The following BMP7 variants were observed in gnomAD, a reference collection of about 807,000 sequenced individuals.
The protein encoded by BMP7 is bone morphogenetic protein 7, also known as osteogenic protein 1.
BMP7 carries 12 observed loss-of-function variants against 41.2 expected under a neutral mutation model. That is an observed-to-expected ratio of 0.29 (90% confidence interval 0.19 to 0.47). BMP7 has a LOEUF of 0.47. Ranked by LOEUF, BMP7 falls within the 20% of genes least tolerant of loss-of-function variation. BMP7 has a pLI of 0.99. For synonymous variants in BMP7, 248 were observed against 250.0 expected (o/e 0.99, Z 0.07); for missense variants, 467 against 606.0 (o/e 0.77, Z 2.41).
chr20:57,173,371 C>G (rs1983853724), intron 5 of BMP7, 61 bp from the exon 6 acceptor site: 2 of 1,517,870 alleles, frequency 1.3e-6, no homozygotes, highest in East Asian at 2.3e-5. Context: ...GCATCCCAAC[C>G]CCCATGCTGG....
intron 3 of BMP7, among the ~76,000 whole-genome samples, chr20:57,189,901 T>C (rs901926536): frequency 6.6e-6 from 1 of 152,144 alleles, no homozygotes; most frequent in Non-Finnish European, 1.5e-5. Context: ...CTGTGTCTGA[T>C]GGTGGCAAGG....
At chr20:57,218,447 A>AGCTGGTGTTTGGTGGTC (rs1985088235) in intron 2 of BMP7, among the ~76,000 whole-genome samples, 1 of 128,838 alleles carries the variant, frequency 7.8e-6, no homozygotes, top group South Asian at 2.6e-4. Flanking sequence ...GTTTGGTGGT[A>AGCTGGTGTTTGGTGGTC]GCTGGTGTTT....
rs1203321998 is a variant in BMP7 at position 57,174,508 on chromosome 20, G to T, written c.1035+423C>A. ...CCCCTGAAACAGTTGACTGGTTCAG[G>T]AACAAGTGCCTGAACCAAGCTGGGC... On this transcript the variant is annotated intron_variant, in intron 5 of 6. Transcript: ENST00000395863. This position sits in a 1 kb window ranked among gnomAD's most constrained non-coding sequence, Gnocchi z 4.3. Among the ~76,000 whole-genome samples the T allele has an allele frequency of 1.3e-5, 2 of 152,152 alleles. No homozygotes were observed. Among genetic ancestry groups the T allele is most frequent in the Non-Finnish European group, 2.9e-5 (2 of 68,028 alleles).
intron 1 of BMP7, 81 bp downstream of exon 1, chr20:57,265,624 G>A: frequency 6.5e-7 from 1 of 1,534,062 alleles, no homozygotes; most frequent in South Asian, 1.2e-5. Context: ...TGGGCGGGCT[G>A]CATAGAAGAA....
In BMP7 at chr20:57,266,201, T is replaced by C. The variant is rs2066177989; in HGVS notation, c.-79A>G. 7.4e-7 allele frequency: 1 copy of C among 1,346,466 alleles called. No individual in the cohort carries two copies. The highest frequency in any genetic ancestry group is 3.7e-5 in the Admixed American group (1 of 26,944). The allele number at this position is 1,346,466 out of a possible 1,614,324, so 83.4% of individuals were successfully genotyped here. ...AGGTGGCAGAGGGGGCAGGCGGCCGTCCGCGCCGCTCGGTCACTTGCTGCA... is the reference window on the plus strand; with the variant it reads ...AGGTGGCAGAGGGGGCAGGCGGCCGCCCGCGCCGCTCGGTCACTTGCTGCA... On this transcript the variant is annotated 5_prime_UTR_variant, in exon 1 of 7. Transcript: ENST00000395863.
intron 2 of BMP7, among the ~76,000 whole-genome samples, chr20:57,222,399 T>C (rs1402598691): frequency 6.6e-6 from 1 of 152,182 alleles, no homozygotes; most frequent in African/African-American, 2.4e-5. Context: ...GCTGTGTCTC[T>C]GGCATTAACT....
In BMP7 at chr20:57,173,230, G is replaced by A. The variant is rs142139866; in HGVS notation, c.1116C>T (p.Asn372=). The A allele has an allele frequency of 3.8e-5, 62 of 1,614,146 alleles. No individual in the cohort carries two copies. Among genetic ancestry groups the A allele is most frequent in the African/African-American group, 2.8e-4 (21 of 75,028 alleles). Residue 372 remains asparagine, a synonymous_variant, in exon 6 of 7, where the codon AAC becomes AAT. Coordinates refer to ENST00000395863, the MANE Select transcript of BMP7 (RefSeq NM_001719.3). ...ECAFPLNSYM[N]ATNHAIVQTL... ...TCTGCACGATGGCGTGGTTGGTGGC[G>A]TTCATGTAGGAGTTCAGAGGGAAGG...
rs200768772 is a variant in BMP7 at position 57,183,726 on chromosome 20, C to A, written c.954G>T (p.Val318=). ...KNQEALRMAN[V]AENSSSDQRQ... is the part of the protein sequence containing the mutation. Reference sequence around the variant, plus strand: ...ATCCCTCCCACCTAAGCATACCTGCCACGTTGGCCATCCGCAGGGCTTCCT... The same window carrying A: ...ATCCCTCCCACCTAAGCATACCTGCAACGTTGGCCATCCGCAGGGCTTCCT... The change falls in exon 4 of 7, where the codon GTG becomes GTT. Residue 318 remains valine (V), a synonymous_variant. Coordinates refer to ENST00000395863, the MANE Select transcript of BMP7 (RefSeq NM_001719.3). 71 of 1,613,880 alleles carry A rather than the reference C, an allele frequency of 4.4e-5. 1 individual carries two copies. The highest frequency in any genetic ancestry group is 5.3e-5 in the Non-Finnish European group (62 of 1,180,038).
rs1260011819 is a variant in BMP7, at chr20:57,174,730, C to CA, written c.1035+200dup. On this transcript the variant is annotated intron_variant, in intron 5 of 6. Coordinates refer to ENST00000395863, the MANE Select transcript of BMP7 (RefSeq NM_001719.3). The surrounding 1 kb of genome is among the most constrained non-coding windows in gnomAD (Gnocchi z 4.3). ...AGTGTTTGGGTTCCTGGTTCAAGTT[C>CA]AAGTCTCAACCACATTTCTGCTCTC... is the stretch of plus-strand genomic sequence containing the variant. 6.6e-6 allele frequency among the ~76,000 whole-genome samples: 1 copy of CA among 152,214 alleles called. No individual in the cohort carries two copies. The highest frequency in any genetic ancestry group is 1.9e-4 in the East Asian group (1 of 5,200).
intron 1 of BMP7, among the ~76,000 whole-genome samples, chr20:57,235,408 C>T (rs1007979527): frequency 2.6e-5 from 4 of 152,274 alleles, no homozygotes; most frequent in Non-Finnish European, 4.4e-5. Context: ...AGGGTAGGCA[C>T]GTTCAACTTT....
At chr20:57,237,431 A>C (rs543371964) in intron 1 of BMP7, among the ~76,000 whole-genome samples, 1 of 152,306 alleles carries the variant, frequency 6.6e-6, no homozygotes, top group Admixed American at 6.5e-5. Flanking sequence ...AACTCACTGG[A>C]GCTGACTTAT....
At chr20:57,183,363 T>C (rs1243749995) in intron 4 of BMP7, among the ~76,000 whole-genome samples, 3 of 139,528 alleles carry the variant, frequency 2.2e-5, no homozygotes, top group Admixed American at 7.7e-5. Flanking sequence ...TCCCCATTTC[T>C]TCCTCCCCCT....
intron 2 of BMP7, among the ~76,000 whole-genome samples, chr20:57,211,836 T>C (rs1422872526): frequency 1.3e-5 from 2 of 152,202 alleles, no homozygotes; most frequent in African/African-American, 4.8e-5. Flanking sequence ...TGCAGCCCTA[T>C]GGACCCCCTG....
At chr20:57,226,517 G>A (rs1482360360) in intron 2 of BMP7, among the ~76,000 whole-genome samples, 3 of 152,214 alleles carry the variant, frequency 2.0e-5, no homozygotes, top group Non-Finnish European at 2.9e-5. Flanking sequence ...GCGTGCACAC[G>A]TGAAACACAG....
intron 2 of BMP7, among the ~76,000 whole-genome samples, chr20:57,222,432 A>G (rs1459743302): frequency 1.3e-5 from 2 of 152,090 alleles, no homozygotes; most frequent in Non-Finnish European, 2.9e-5. Flanking sequence ...GTGGTTTGCC[A>G]TCTCTGCCCA....
chr20:57,234,404 G>C (rs2066040197), intron 1 of BMP7, among the ~76,000 whole-genome samples: 1 of 152,258 alleles, frequency 6.6e-6, no homozygotes. Context: ...ACGGAGGACT[G>C]AGGTTGGAAT....
In BMP7 at chr20:57,236,461, G is replaced by C. The variant is rs2066048096; in HGVS notation, c.419-8040C>G. ...TAACCCTGGCAAGAATGCTCAAGCT[G>C]GGAGCTGTTGAATTGGGTTTATGGA... On this transcript the variant is annotated intron_variant, in intron 1 of 6. Coordinates refer to ENST00000395863, the MANE Select transcript of BMP7 (RefSeq NM_001719.3). 2.0e-5 allele frequency among the ~76,000 whole-genome samples: 3 copies of C among 152,210 alleles called. No homozygotes were observed. The South Asian group carries it at 6.2e-4, about 32-fold the overall frequency.
chr20:57,265,706 G>C lies in BMP7; in HGVS notation c.417C>G (p.Leu139=). The change falls in exon 1 of 7, where the codon CTC becomes CTG. Residue 139 remains leucine (L), a splice_region_variant and synonymous_variant. Transcript: ENST00000395863. ...DADMVMSFVN[L]VEHDKEFFHP... Reference sequence around the variant, plus strand: ...GTACCCTCGCCTGCCCTTACTCACCGAGGTTGACGAAGCTCATGACCATGT... The same window carrying C: ...GTACCCTCGCCTGCCCTTACTCACCCAGGTTGACGAAGCTCATGACCATGT... 6.2e-7 allele frequency: 1 copy of C among 1,602,266 alleles called. No homozygotes were observed. Among genetic ancestry groups the C allele is most frequent in the Non-Finnish European group, 8.5e-7 (1 of 1,174,504 alleles).
At chr20:57,211,309 G>A (rs1051135957) in intron 2 of BMP7, among the ~76,000 whole-genome samples, 1 of 152,222 alleles carries the variant, frequency 6.6e-6, no homozygotes, top group Non-Finnish European at 1.5e-5. Context: ...CCTCTGCTGG[G>A]AGCAACAGGC....
Sources: allele counts gnomAD v4.1 joint callset (sites outside exome capture counted in the v4.1 genomes callset), GRCh38; gene constraint gnomAD v4.1.1; non-coding constraint Gnocchi (gnomAD v3.1); transcripts MANE v1.5; gene names NCBI Gene and HGNC (gene_info 2026-07-23, HGNC 2026-07-21).